The following CACNA1A variants were observed in gnomAD, a reference collection of about 807,000 sequenced individuals.
CACNA1A encodes calcium voltage-gated channel subunit alpha1 A.
Under a neutral mutation model 262.4 loss-of-function variants are expected in CACNA1A, and 57 were observed. The observed-to-expected ratio is 0.22, with a 90% CI of 0.18 to 0.27. The LOEUF is 0.27. Ranked by LOEUF, CACNA1A falls within the 10% of genes least tolerant of loss-of-function variation. The pLI is 1.00. For synonymous variants in CACNA1A, 1,431 were observed against 1,419.3 expected (o/e 1.01, Z -0.18); for missense variants, 2,526 against 3,562.8 (o/e 0.71, Z 7.41).
rs1056191725 is a variant in CACNA1A at position 13,283,247 on chromosome 19, G to A, written c.3822+20C>T. The A allele has an allele frequency of 6.2e-7, 1 of 1,611,942 alleles. No homozygotes were observed. ...GGCAGAGCAGCCAGGCTAGGAAGGG[G>A]TGTGCTCTGTGGGACTCACGTTGTT... On this transcript the variant is annotated intron_variant, in intron 22 of 46. Coordinates refer to ENST00000360228, the MANE Select transcript of CACNA1A (RefSeq NM_001127222.2).
intron 3 of CACNA1A, among the ~76,000 whole-genome samples, chr19:13,438,016 T>C (rs2060644637): frequency 1.3e-5 from 2 of 152,200 alleles, no homozygotes; most frequent in Admixed American, 6.5e-5. Context: ...TGATAAAAGC[T>C]GGAAGCATCT....
intron 6 of CACNA1A, among the ~76,000 whole-genome samples, chr19:13,337,561 G>T (rs1195038640): frequency 6.6e-6 from 1 of 152,078 alleles, no homozygotes; most frequent in East Asian, 1.9e-4. Context: ...CTTTACATGT[G>T]CAATGAATCT....
intron 15 of CACNA1A, among the ~76,000 whole-genome samples, chr19:13,305,734 C>T (rs1340333780): frequency 6.6e-6 from 1 of 152,120 alleles, no homozygotes; most frequent in African/African-American, 2.4e-5. Flanking sequence ...AACCTCTGAG[C>T]TAAAGATACA....
At chr19:13,392,261 T>C (rs956021617) in intron 3 of CACNA1A, among the ~76,000 whole-genome samples, 1 of 151,938 alleles carries the variant, frequency 6.6e-6, no homozygotes, top group East Asian at 1.9e-4. Context: ...AATGGGAAAC[T>C]TAGTGAAGGC....
rs780060495 is a variant in CACNA1A, at chr19:13,214,228, C to T, written c.5940+5G>A. The T allele has an allele frequency of 1.3e-5, 21 of 1,604,298 alleles. No individual in the cohort carries two copies. Among genetic ancestry groups the T allele is most frequent in the African/African-American group, 8.0e-5 (6 of 74,876 alleles). ...CAGATGTCCCCAGAGCGGCGAACAG[C>T]GCACCTGCTCCTCGCGCATGGCCTG... On this transcript the variant is annotated splice_donor_5th_base_variant and intron_variant, in intron 40 of 46. Transcript: ENST00000360228. This position sits in a 1 kb window ranked among gnomAD's most constrained non-coding sequence, Gnocchi z 4.1.
intron 3 of CACNA1A, among the ~76,000 whole-genome samples, chr19:13,392,989 G>C (rs560317416): frequency 6.6e-6 from 1 of 152,204 alleles, no homozygotes; most frequent in African/African-American, 2.4e-5. Flanking sequence ...GGCTGGTCTC[G>C]AACTCCTGAG....
intron 31 of CACNA1A, chr19:13,235,991 C>A: frequency 2.6e-6 from 1 of 378,356 alleles, no homozygotes; most frequent in East Asian, 3.9e-5. Flanking sequence ...CAGCCCCACC[C>A]ACAATGGGGA....
chr19:13,379,412 T>G (rs574900072), intron 3 of CACNA1A, among the ~76,000 whole-genome samples: 1 of 152,266 alleles, frequency 6.6e-6, no homozygotes, highest in South Asian at 2.1e-4. Context: ...TATTGCAATA[T>G]TCGCTTTGTT....
At chr19:13,480,491 T>TGGTAAGGCCAGTATATGTTATGGTAA (rs1979149445) in intron 1 of CACNA1A, among the ~76,000 whole-genome samples, 1 of 152,198 alleles carries the variant, frequency 6.6e-6, no homozygotes, top group African/African-American at 2.4e-5. Flanking sequence ...GTAAGGCTTC[T>TGGTAAGGCCAGTATATGTTATGGTAA]GGTCAAGAAT....
chr19:13,281,523 T>C (rs1265353100), intron 22 of CACNA1A, among the ~76,000 whole-genome samples: 1 of 152,084 alleles, frequency 6.6e-6, no homozygotes, highest in African/African-American at 2.4e-5. Flanking sequence ...GATCATCCTC[T>C]AGAGTGGGGG....
chr19:13,297,986 C>A (rs2057700976), intron 19 of CACNA1A, among the ~76,000 whole-genome samples: 1 of 151,990 alleles, frequency 6.6e-6, no homozygotes, highest in Non-Finnish European at 1.5e-5. Context: ...GGCACCACCA[C>A]TAATTTTTGT....
chr19:13,222,841 C>T (rs904179277), intron 38 of CACNA1A, among the ~76,000 whole-genome samples: 3 of 150,520 alleles, frequency 2.0e-5, no homozygotes, highest in South Asian at 4.2e-4. Context: ...GTTACAGGCG[C>T]CCACCATGAC....
intron 12 of CACNA1A, among the ~76,000 whole-genome samples, chr19:13,311,738 G>A (rs567296654): frequency 1.3e-5 from 2 of 152,290 alleles, no homozygotes; most frequent in African/African-American, 4.8e-5. Flanking sequence ...TCGGGAGGCT[G>A]AGGCAGGAGA....
intron 24 of CACNA1A, 146 bp downstream of exon 24, chr19:13,275,704 C>G: frequency 1.5e-6 from 1 of 675,204 alleles, no homozygotes. Flanking sequence ...CGAAGCTCTT[C>G]CTGGTGGCAT....
At chr19:13,466,398 T>G (rs1214184120) in intron 1 of CACNA1A, among the ~76,000 whole-genome samples, 1 of 151,502 alleles carries the variant, frequency 6.6e-6, no homozygotes, top group Non-Finnish European at 1.5e-5. Flanking sequence ...TGGAGTGCAG[T>G]GGCACGATCT....
chr19:13,268,677 G>T (rs182527284), intron 24 of CACNA1A, among the ~76,000 whole-genome samples: 1 of 151,948 alleles, frequency 6.6e-6, no homozygotes, highest in East Asian at 1.9e-4. Context: ...CTCGTGATCC[G>T]CCCACCTTGG....
intron 19 of CACNA1A, among the ~76,000 whole-genome samples, chr19:13,297,371 T>C (rs2057685322): frequency 6.6e-6 from 1 of 152,170 alleles, no homozygotes; most frequent in Non-Finnish European, 1.5e-5. Context: ...AGGAATGACC[T>C]TGAGGAGCTC....
intron 3 of CACNA1A, among the ~76,000 whole-genome samples, chr19:13,399,435 A>G (rs1438508084): frequency 8.9e-6 from 1 of 112,810 alleles, no homozygotes; most frequent in East Asian, 2.9e-4. Context: ...AGAGAAAAGG[A>G]AAAAAAAAAA....
intron 35 of CACNA1A, among the ~76,000 whole-genome samples, chr19:13,230,481 CAGAG>C (rs1275074946): frequency 2.0e-5 from 3 of 151,988 alleles, no homozygotes; most frequent in East Asian, 1.9e-4. Context: ...AAGAGAGAAA[CAGAG>C]AGAGATGGAG....
Sources: allele counts gnomAD v4.1 joint callset (sites outside exome capture counted in the v4.1 genomes callset), GRCh38; gene constraint gnomAD v4.1.1; non-coding constraint Gnocchi (gnomAD v3.1); transcripts MANE v1.5; gene names NCBI Gene and HGNC (gene_info 2026-07-23, HGNC 2026-07-21).